The following SNX25 variants were observed in gnomAD, a reference collection of about 807,000 sequenced individuals.
The protein encoded by SNX25 is sorting nexin-25.
SNX25 carries 62 observed loss-of-function variants against 113.7 expected under a neutral mutation model. The ratio of observed to expected loss-of-function variants is 0.55; its 90% CI spans 0.44 to 0.67. The LOEUF (loss-of-function observed/expected upper bound fraction) is 0.67, where lower values mean the gene tolerates loss of function less well. Ranked by LOEUF, SNX25 falls within the 30% of genes least tolerant of loss-of-function variation. The probability of loss-of-function intolerance (pLI) is 0.00; values close to 1 mark genes in which losing one functional copy is unlikely to be tolerated. For synonymous variants in SNX25, 421 were observed against 436.2 expected, an observed-to-expected ratio of 0.97 and a Z score of 0.43; for missense variants, 1,014 against 1,161.0, an observed-to-expected ratio of 0.87 and a Z score of 1.84.
chr4:185,286,706 G>A (rs1243858237), intron 5 of SNX25, among the ~76,000 whole-genome samples: 1 of 152,202 alleles, frequency 6.6e-6, no homozygotes, highest in Non-Finnish European at 1.5e-5. Flanking sequence ...AAGGAAGGAA[G>A]GGAGACTGGA....
intron 1 of SNX25, among the ~76,000 whole-genome samples, chr4:185,229,520 A>G (rs1405619979): frequency 2.6e-5 from 4 of 152,276 alleles, no homozygotes; most frequent in Middle Eastern, 3.4e-3. Context: ...GGAAGATTGC[A>G]TTATCCATTA....
intron 2 of SNX25, among the ~76,000 whole-genome samples, chr4:185,258,471 CAT>C (rs1242238448): frequency 5.3e-5 from 8 of 152,130 alleles, no homozygotes; most frequent in South Asian, 4.1e-4. Flanking sequence ...GCTCCAGTAT[CAT>C]AAAGCAGGGC....
At chr4:185,245,865 T>C (rs1169338637) in intron 1 of SNX25, among the ~76,000 whole-genome samples, 2 of 152,238 alleles carry the variant, frequency 1.3e-5, no homozygotes, top group African/African-American at 2.4e-5. Context: ...ACTATTGACG[T>C]ATATATAAAA....
At chr4:185,303,167 A>G (rs1348157774) in intron 6 of SNX25, among the ~76,000 whole-genome samples, 2 of 152,276 alleles carry the variant, frequency 1.3e-5, no homozygotes, top group African/African-American at 4.8e-5. Flanking sequence ...CCTGCTCACA[A>G]CAAGCATTGT....
At chr4:185,261,770 T>C (rs1056867965) in intron 3 of SNX25, among the ~76,000 whole-genome samples, 2 of 152,154 alleles carry the variant, frequency 1.3e-5, no homozygotes, top group African/African-American at 4.8e-5. Flanking sequence ...TTTACTGGCA[T>C]CTGGGCTATG....
At chr4:185,222,271 C>T (rs113297621) in intron 1 of SNX25, among the ~76,000 whole-genome samples, 38 of 21,606 alleles carry the variant, frequency 1.8e-3, no homozygotes, top group South Asian at 8.5e-3. Flanking sequence ...CACCATATAC[C>T]CCTCCTTCGC....
At chr4:185,289,888 G>A (rs1751903427) in intron 6 of SNX25, among the ~76,000 whole-genome samples, 1 of 152,116 alleles carries the variant, frequency 6.6e-6, no homozygotes, top group African/African-American at 2.4e-5. Context: ...AAGCTGGGTG[G>A]TTTAAACAAC....
At chr4:185,282,683 G>A (rs918112568) in intron 5 of SNX25, among the ~76,000 whole-genome samples, 7 of 152,202 alleles carry the variant, frequency 4.6e-5, no homozygotes, top group African/African-American at 1.4e-4. Flanking sequence ...GATACTGTAG[G>A]TAGGATCTTG....
At chr4:185,266,923 AAAG>A (rs1440601235) in intron 4 of SNX25, 43 bp from the exon 5 acceptor site, 14 of 1,570,124 alleles carry the variant, frequency 8.9e-6, no homozygotes, top group Non-Finnish European at 1.1e-5. Context: ...CAGTTCCCTT[AAAG>A]AAGAATACCT....
downstream of SNX25, among the ~76,000 whole-genome samples, chr4:185,371,343 T>G (rs1239830965): frequency 6.6e-6 from 1 of 151,870 alleles, no homozygotes; most frequent in Admixed American, 6.6e-5. Flanking sequence ...ATTGAGACCA[T>G]CCTGGCTAAC....
intron 7 of SNX25, among the ~76,000 whole-genome samples, chr4:185,318,000 T>C (rs1324261391): frequency 1.3e-5 from 2 of 152,072 alleles, no homozygotes; most frequent in African/African-American, 4.8e-5. Flanking sequence ...GGAAGCATTA[T>C]GAAAAGTAAA....
chr4:185,253,407 G>T (rs1042557551), intron 2 of SNX25, among the ~76,000 whole-genome samples: 1 of 151,516 alleles, frequency 6.6e-6, no homozygotes, highest in Non-Finnish European at 1.5e-5. Context: ...ATTAAATACC[G>T]TTACCCTCAT....
intron 6 of SNX25, among the ~76,000 whole-genome samples, chr4:185,292,280 G>C (rs1752281400): frequency 6.6e-6 from 1 of 151,882 alleles, no homozygotes; most frequent in African/African-American, 2.4e-5. Context: ...GGGGAAAAAA[G>C]TAAATTGGAC....
intron 6 of SNX25, among the ~76,000 whole-genome samples, chr4:185,308,983 T>A (rs577786357): frequency 6.6e-6 from 1 of 152,366 alleles, no homozygotes; most frequent in East Asian, 1.9e-4. Flanking sequence ...ACAACAGCCA[T>A]TTATTTTGCT....
chr4:185,374,015 A>T, downstream of SNX25: 1 of 791,802 alleles, frequency 1.3e-6, no homozygotes, highest in Non-Finnish European at 2.0e-6. Flanking sequence ...TGCTTTCTTT[A>T]CATTTAAAGG....
intron 5 of SNX25, among the ~76,000 whole-genome samples, chr4:185,285,125 A>G (rs1281319366): frequency 1.3e-5 from 2 of 152,134 alleles, no homozygotes; most frequent in African/African-American, 2.4e-5. Context: ...TTTCATCTCT[A>G]TTTTGCCTTG....
rs1258595473 is a variant in SNX25 at position 185,334,466 on chromosome 4, C to G, written c.1914+1707C>G. Reference sequence around the variant, plus strand: ...TATGTGGAGTCACTCCCATTTACTACATACAGAACTCGAAAGCCTGATAGT... The same window carrying G: ...TATGTGGAGTCACTCCCATTTACTAGATACAGAACTCGAAAGCCTGATAGT... On this transcript the variant is annotated intron_variant, in intron 10 of 18. Transcript: ENST00000652585. This position sits in a 1 kb window ranked among gnomAD's most constrained non-coding sequence, Gnocchi z 4.2. Among the ~76,000 whole-genome samples the G allele has an allele frequency of 2.0e-5, 3 of 152,214 alleles. No individual in the cohort carries two copies. Among genetic ancestry groups the G allele is most frequent in the Non-Finnish European group, 2.9e-5 (2 of 68,038 alleles).
At chr4:185,243,432 A>C (rs1328167049) in intron 1 of SNX25, among the ~76,000 whole-genome samples, 1 of 152,062 alleles carries the variant, frequency 6.6e-6, no homozygotes, top group Non-Finnish European at 1.5e-5. Context: ...CAACATGGGG[A>C]AACTCCCATC....
intron 1 of SNX25, among the ~76,000 whole-genome samples, chr4:185,240,082 G>A (rs1445422795): frequency 2.6e-5 from 4 of 151,538 alleles, no homozygotes; most frequent in African/African-American, 4.9e-5. Flanking sequence ...CAGGGTTGGG[G>A]GTAAGGTCAT....
Sources: gnomAD v4.1 joint callset for allele counts (sites outside exome capture counted in the v4.1 genomes callset) on GRCh38, gnomAD v4.1.1 for gene constraint, Gnocchi (gnomAD v3.1) non-coding constraint, MANE v1.5 for transcripts, NCBI Gene and HGNC (gene_info 2026-07-23, HGNC 2026-07-21) for gene names.